SPMAP2L: variants seen among roughly 807,000 people sequenced by gnomAD.
The protein encoded by SPMAP2L is sperm microtubule associated protein 2-like.
At chr4:56,541,968 C>T in the SPMAP2L span, among the ~76,000 whole-genome samples, 2 of 152,184 alleles carry the variant, frequency 1.3e-5, no homozygotes. Flanking sequence ...TCTTTAATGC[C>T]CACTAAATAC....
At chr4:56,552,705 T>C in the SPMAP2L span, 2 of 739,106 alleles carry the variant, frequency 2.7e-6, no homozygotes, top group South Asian at 3.1e-5. Context: ...TCTACTTAAC[T>C]AGATCCTCTG....
chr4:56,623,199 G>A, the SPMAP2L span, among the ~76,000 whole-genome samples: 3 of 152,084 alleles, frequency 2.0e-5, no homozygotes, highest in East Asian at 3.9e-4. Flanking sequence ...TGACCATGTT[G>A]CAAAGCCAGG....
the SPMAP2L span, among the ~76,000 whole-genome samples, chr4:56,533,580 T>C: frequency 6.6e-6 from 1 of 152,166 alleles, no homozygotes; most frequent in Non-Finnish European, 1.5e-5. Context: ...TTAAGCTCTT[T>C]GCTCCTAAAA....
chr4:56,582,972 CTATT>C, the SPMAP2L span, among the ~76,000 whole-genome samples: 5 of 152,142 alleles, frequency 3.3e-5, no homozygotes, highest in Non-Finnish European at 7.4e-5. Flanking sequence ...TTGTATCAGT[CTATT>C]TATTTGAAAT....
chr4:56,568,443 A>G, the SPMAP2L span, among the ~76,000 whole-genome samples: 1 of 152,088 alleles, frequency 6.6e-6, no homozygotes, highest in African/African-American at 2.4e-5. Flanking sequence ...TAGTTACCTT[A>G]TTTCTAAACA....
chr4:56,548,150 A>G, the SPMAP2L span, among the ~76,000 whole-genome samples: 1 of 152,228 alleles, frequency 6.6e-6, no homozygotes, highest in African/African-American at 2.4e-5. Context: ...ATACTTTGCA[A>G]AAAAATTTTG....
chr4:56,598,630 TC>T, the SPMAP2L span, among the ~76,000 whole-genome samples: 1 of 150,630 alleles, frequency 6.6e-6, no homozygotes, highest in South Asian at 2.1e-4. Flanking sequence ...AGTGCAAAGG[TC>T]CTGAGAGGGA....
chr4:56,604,968 G>GT, the SPMAP2L span, among the ~76,000 whole-genome samples: 4 of 152,138 alleles, frequency 2.6e-5, no homozygotes, highest in African/African-American at 9.7e-5. Context: ...ATGCAAAGGC[G>GT]TAAGAATGAT....
the SPMAP2L span, among the ~76,000 whole-genome samples, chr4:56,580,634 GA>G: frequency 2.0e-5 from 3 of 147,968 alleles, no homozygotes; most frequent in Non-Finnish European, 3.0e-5. Flanking sequence ...AATTAGGCAT[GA>G]AAAAAAATAA....
At chr4:56,581,920 G>GA in the SPMAP2L span, among the ~76,000 whole-genome samples, 1 of 152,054 alleles carries the variant, frequency 6.6e-6, no homozygotes, top group African/African-American at 2.4e-5. Flanking sequence ...GTTTAATGGG[G>GA]AAAAAATAGT....
the SPMAP2L span, among the ~76,000 whole-genome samples, chr4:56,614,311 T>A: frequency 2.0e-5 from 3 of 152,132 alleles, no homozygotes; most frequent in Non-Finnish European, 4.4e-5. Flanking sequence ...AAAATATAAG[T>A]CATGTTCATG....
chr4:56,562,752 A>G, the SPMAP2L span, among the ~76,000 whole-genome samples: 1 of 149,566 alleles, frequency 6.7e-6, no homozygotes, highest in South Asian at 2.1e-4. Flanking sequence ...TAGGCTTACA[A>G]TTCAGAGAAA....
At chr4:56,615,830 C>T in the SPMAP2L span, among the ~76,000 whole-genome samples, 5 of 152,156 alleles carry the variant, frequency 3.3e-5, no homozygotes, top group Non-Finnish European at 7.3e-5. Context: ...GACCAGGCAA[C>T]CCTTGACCAA....
At chr4:56,560,173 T>C in the SPMAP2L span, among the ~76,000 whole-genome samples, 2 of 152,306 alleles carry the variant, frequency 1.3e-5, no homozygotes, top group African/African-American at 4.8e-5. Flanking sequence ...CATTATTTTT[T>C]CAAGTTAGGG....
chr4:56,594,062 G>T, the SPMAP2L span: 1 of 1,610,540 alleles, frequency 6.2e-7, no homozygotes, highest in Non-Finnish European at 8.5e-7. Context: ...TGGCACACTT[G>T]GTATTTCTCT....
the SPMAP2L span, among the ~76,000 whole-genome samples, chr4:56,574,410 T>C: frequency 7.2e-5 from 11 of 152,004 alleles, no homozygotes; most frequent in African/African-American, 2.7e-4. Context: ...TAGAGCAAGA[T>C]CGTGCTTCTA....
chr4:56,546,053 CAA>C, the SPMAP2L span, among the ~76,000 whole-genome samples: 1 of 152,160 alleles, frequency 6.6e-6, no homozygotes, highest in Non-Finnish European at 1.5e-5. Flanking sequence ...CTTGGCCTCC[CAA>C]AGTGTTGGGA....
At chr4:56,600,714 G>T in the SPMAP2L span, among the ~76,000 whole-genome samples, 4 of 152,142 alleles carry the variant, frequency 2.6e-5, no homozygotes, top group Non-Finnish European at 4.4e-5. Context: ...ACACTGTCTG[G>T]CTCACAGAAC....
chr4:56,596,170 T>C, the SPMAP2L span, among the ~76,000 whole-genome samples: 29,166 of 152,214 alleles, frequency 0.19, 3,363 homozygotes, highest in East Asian at 0.41. Context: ...ATATGCCTAA[T>C]CTGTAATCAC....
Sources: gnomAD v4.1 joint callset for allele counts (sites outside exome capture counted in the v4.1 genomes callset) on GRCh38, gnomAD v4.1.1 for gene constraint, MANE v1.5 for transcripts, NCBI Gene and HGNC (gene_info 2026-07-23, HGNC 2026-07-21) for gene names.